The following ZNF610 variants were observed in gnomAD, a reference collection of about 807,000 sequenced individuals.
The protein encoded by ZNF610 is zinc finger protein 610.
In ZNF610, 14 loss-of-function variants were observed where a neutral mutation model predicts 14.1. That is an observed-to-expected ratio of 0.99 (90% CI 0.65 to 1.55). The LOEUF is 1.55. ZNF610 is among the 40% of genes most tolerant of loss of function. ZNF610 has a pLI of 0.00. For missense variants in ZNF610, 530 were observed against 558.0 expected (o/e 0.95, Z 0.51); for synonymous variants, 185 against 187.6 (o/e 0.99, Z 0.11).
intron 1 of ZNF610, among the ~76,000 whole-genome samples, chr19:52,342,677 C>T (rs891812012): frequency 6.6e-6 from 1 of 151,976 alleles, no homozygotes; most frequent in Non-Finnish European, 1.5e-5. Flanking sequence ...CAGGTCCGTA[C>T]CACCACACCT....
chr19:52,354,457 C>A, intron 5 of ZNF610, 78 bp downstream of exon 5: 1 of 1,496,790 alleles, frequency 6.7e-7, no homozygotes, highest in Non-Finnish European at 9.0e-7. Context: ...CGCTATCACC[C>A]AGGCTGTAGT....
At chr19:52,346,015 T>C (rs1268492136) in intron 1 of ZNF610, among the ~76,000 whole-genome samples, 1 of 150,898 alleles carries the variant, frequency 6.6e-6, no homozygotes, top group Non-Finnish European at 1.5e-5. Flanking sequence ...ATTTTATTTT[T>C]TGAGACAGAG....
intron 5 of ZNF610, among the ~76,000 whole-genome samples, chr19:52,359,206 T>C (rs552588940): frequency 2.0e-5 from 3 of 152,266 alleles, no homozygotes; most frequent in Non-Finnish European, 4.4e-5. Flanking sequence ...AAGAGTTCAC[T>C]GAATCTGTAG....
intron 5 of ZNF610, among the ~76,000 whole-genome samples, chr19:52,358,995 C>T (rs764120607): frequency 9.2e-5 from 14 of 152,168 alleles, no homozygotes; most frequent in Non-Finnish European, 1.5e-4. Context: ...TGTTCTAGTC[C>T]ATTGGCTTAT....
intron 3 of ZNF610, among the ~76,000 whole-genome samples, chr19:52,353,140 A>G (rs1486469373): frequency 6.6e-6 from 1 of 152,086 alleles, no homozygotes; most frequent in Non-Finnish European, 1.5e-5. Context: ...GGGTTTCACC[A>G]TGTTGGCCAG....
chr19:52,361,589 G>T (rs74349645), intron 5 of ZNF610, among the ~76,000 whole-genome samples: 1 of 150,446 alleles, frequency 6.6e-6, no homozygotes, highest in Non-Finnish European at 1.5e-5. Flanking sequence ...TCTAGCTAAG[G>T]GTTTGTCAAT....
chr19:52,364,594 G>A (rs567145026), intron 5 of ZNF610, among the ~76,000 whole-genome samples: 3 of 152,070 alleles, frequency 2.0e-5, no homozygotes, highest in Admixed American at 6.6e-5. Flanking sequence ...AAGGAGTCTC[G>A]CTCTGTCGCC....
chr19:52,336,904 G>T (rs756297737), intron 1 of ZNF610, among the ~76,000 whole-genome samples: 29 of 152,288 alleles, frequency 1.9e-4, no homozygotes, highest in Non-Finnish European at 3.4e-4. Context: ...CTTGGCGGAG[G>T]TGGGCACCTT....
intron 1 of ZNF610, among the ~76,000 whole-genome samples, chr19:52,336,927 T>G (rs1228698319): frequency 6.6e-6 from 1 of 152,118 alleles, no homozygotes; most frequent in African/African-American, 2.4e-5. Context: ...TGTACTCCCC[T>G]GCCTATGGAT....
chr19:52,331,474 C>T (rs1051717344), upstream of ZNF610, among the ~76,000 whole-genome samples: 2 of 152,160 alleles, frequency 1.3e-5, no homozygotes, highest in East Asian at 1.9e-4. Flanking sequence ...GGACAGGATC[C>T]TGGCAGAGAA....
chr19:52,348,020 CAT>C, intron 2 of ZNF610, 76 bp downstream of exon 2: 1 of 152,246 alleles, frequency 6.6e-6, no homozygotes, highest in South Asian at 2.1e-4. Flanking sequence ...TATGTCGAGA[CAT>C]GTTTTTATTT....
chr19:52,366,060 G>T lies in ZNF610; in HGVS notation c.682G>T (p.Ala228Ser). 6.2e-7 allele frequency: 1 copy of T among 1,614,006 alleles called. No homozygotes were observed. The highest frequency in any genetic ancestry group is 1.1e-5 in the South Asian group (1 of 91,046). ...TACTAACCATCAAGTAATCCATACTGCAGAGAAACCTTACAAATGTACTGA... is the reference window on the plus strand; with the variant it reads ...TACTAACCATCAAGTAATCCATACTTCAGAGAAACCTTACAAATGTACTGA... ...SLTNHQVIHT[A>S]EKPYKCTECG... The change falls in exon 6 of 6, where the codon GCA (alanine) becomes TCA (serine). Residue 228 changes from alanine to serine, a missense_variant. Ala to Ser is a moderately conservative substitution (Grantham distance 99, BLOSUM62 1). Transcript: ENST00000403906.
chr19:52,335,708 G>C (rs972099676), upstream of ZNF610, among the ~76,000 whole-genome samples: 1 of 152,192 alleles, frequency 6.6e-6, no homozygotes, highest in Non-Finnish European at 1.5e-5. Flanking sequence ...AAAGGGAGAA[G>C]ATTTCTATTA....
chr19:52,362,850 G>C (rs144302045), intron 5 of ZNF610, among the ~76,000 whole-genome samples: 1 of 152,260 alleles, frequency 6.6e-6, no homozygotes, highest in African/African-American at 2.4e-5. Context: ...TGTTCCATGG[G>C]CACTTCCGAA....
chr19:52,339,859 A>G (rs569602726), intron 1 of ZNF610, among the ~76,000 whole-genome samples: 21 of 152,206 alleles, frequency 1.4e-4, no homozygotes, highest in South Asian at 4.1e-4. Context: ...GGGTTTCTCC[A>G]TGTTGGTCAG....
chr19:52,365,995 G>T lies in ZNF610; in HGVS notation c.617G>T (p.Cys206Phe), dbSNP rs777125119. The change falls in exon 6 of 6, where the codon TGT (cysteine) becomes TTT (phenylalanine). Residue 206 changes from cysteine (C) to phenylalanine (F), a missense_variant. Cys to Phe is a radical substitution (Grantham distance 205). Transcript: ENST00000403906. ...YIRGKSYEYE[C>F]SEDGEVFRVR... ...AGAGGAAAATCTTATGAATATGAAT[G>T]TAGTGAAGATGGTGAAGTTTTTAGA... 2 of 1,614,150 alleles carry T rather than the reference G, an allele frequency of 1.2e-6. No individual in the cohort carries two copies. The highest frequency in any genetic ancestry group is 4.5e-5 in the East Asian group (2 of 44,874).
At chr19:52,355,994 G>A (rs1985505523) in intron 5 of ZNF610, among the ~76,000 whole-genome samples, 1 of 152,180 alleles carries the variant, frequency 6.6e-6, no homozygotes, top group African/African-American at 2.4e-5. Flanking sequence ...AGTGGGTGGG[G>A]CTGACAGTTT....
chr19:52,357,805 G>A (rs913158202), intron 5 of ZNF610, among the ~76,000 whole-genome samples: 5 of 152,098 alleles, frequency 3.3e-5, no homozygotes, highest in African/African-American at 1.2e-4. Flanking sequence ...CTGACACAGA[G>A]CAAGACCTTA....
chr19:52,365,646 G>A (rs745626527), intron 5 of ZNF610, 52 bp from the exon 6 acceptor site: 16 of 1,502,786 alleles, frequency 1.1e-5, no homozygotes, highest in South Asian at 4.0e-5. Flanking sequence ...TCCACCAGAC[G>A]GTAAACATGC....
Sources: gnomAD v4.1 joint callset for allele counts (sites outside exome capture counted in the v4.1 genomes callset) on GRCh38, gnomAD v4.1.1 for gene constraint, MANE v1.5 for transcripts, NCBI Gene and HGNC (gene_info 2026-07-23, HGNC 2026-07-21) for gene names.